The following GTPBP10 variants were observed in gnomAD, a reference collection of about 807,000 sequenced individuals.
The protein encoded by GTPBP10 is GTP-binding protein 10.
GTPBP10 carries 38 observed loss-of-function variants against 44.8 expected under a neutral mutation model. The ratio of observed to expected loss-of-function variants is 0.85; its 90% confidence interval spans 0.65 to 1.11. GTPBP10 has a LOEUF of 1.11. Among genes scored for constraint, GTPBP10 ranks in the 50% most tolerant of loss-of-function variants. The pLI, the probability that GTPBP10 is intolerant of heterozygous loss-of-function variation, is 0.00. For synonymous variants in GTPBP10, 152 were observed against 150.6 expected (o/e 1.01, Z -0.07); for missense variants, 462 against 453.7 (o/e 1.02, Z -0.17).
At chr7:90,359,038 A>G (rs1043387522) in intron 4 of GTPBP10, among the ~76,000 whole-genome samples, 1 of 152,226 alleles carries the variant, frequency 6.6e-6, no homozygotes, top group African/African-American at 2.4e-5. Flanking sequence ...TAAAACCACA[A>G]TGATTTACCA....
chr7:90,366,734 C>A (rs1231860067), intron 4 of GTPBP10, among the ~76,000 whole-genome samples: 3 of 149,652 alleles, frequency 2.0e-5, no homozygotes, highest in Admixed American at 2.0e-4. Flanking sequence ...AAAAAAAAAC[C>A]AGCTCCTGGA....
chr7:90,380,118 G>A (rs183335049), intron 8 of GTPBP10, among the ~76,000 whole-genome samples: 195 of 125,514 alleles, frequency 1.6e-3, no homozygotes, highest in African/African-American at 5.7e-3. Flanking sequence ...TCACTCTGTC[G>A]CCTGGGCTGG....
intron 1 of GTPBP10, among the ~76,000 whole-genome samples, chr7:90,348,908 T>G (rs1198325899): frequency 2.0e-5 from 3 of 152,186 alleles, no homozygotes; most frequent in Admixed American, 6.5e-5. Flanking sequence ...GTTTATTCTG[T>G]GTTTTCTTCC....
rs754961364 is a variant in GTPBP10 at position 90,385,700 on chromosome 7, C to T, written c.*546C>T. On this transcript the variant is annotated 3_prime_UTR_variant, in exon 10 of 10. Coordinates refer to ENST00000222511, the MANE Select transcript of GTPBP10 (RefSeq NM_033107.4). Reference sequence around the variant, plus strand: ...TATTATTACCTTCTGATATATGTGTCATTATTGAAGAACCATACCTTTTAA... The same window carrying T: ...TATTATTACCTTCTGATATATGTGTTATTATTGAAGAACCATACCTTTTAA... 4.6e-5 allele frequency: 7 copies of T among 151,568 alleles called. No individual in the cohort carries two copies. The highest frequency in any genetic ancestry group is 1.0e-4 in the Non-Finnish European group (7 of 67,950). The allele number at this position is 151,568 out of a possible 1,614,324, so 9.4% of individuals were successfully genotyped here.
chr7:90,364,297 C>T (rs555864483), intron 4 of GTPBP10, among the ~76,000 whole-genome samples: 52 of 152,172 alleles, frequency 3.4e-4, no homozygotes, highest in African/African-American at 1.2e-3. Context: ...ATGATGGTGA[C>T]GTACAGATGG....
In GTPBP10 at chr7:90,390,068, G is replaced by A. The variant is rs999194530; in HGVS notation, c.*4914G>A. On this transcript the variant is annotated 3_prime_UTR_variant, in exon 10 of 10. Transcript: ENST00000222511. The stretch of plus-strand genomic sequence containing the variant: ...AGTCTCTGAAAGTGCTAGGATTATA[G>A]GCATGAGCCATTTATGCCCAGCCAG... The A allele has an allele frequency of 1.3e-5, 2 of 152,194 alleles. No homozygotes were observed. Among genetic ancestry groups the A allele is most frequent in the African/African-American group, 4.8e-5 (2 of 41,440 alleles). 9.4% of individuals were successfully genotyped at this position (152,194 alleles called of 1,614,324 possible).
rs749904203 is a variant in GTPBP10, at chr7:90,354,443, C to CT, written c.228-6dup. On this transcript the variant is annotated splice_polypyrimidine_tract_variant and intron_variant, in intron 2 of 9. Coordinates refer to ENST00000222511, the MANE Select transcript of GTPBP10 (RefSeq NM_033107.4). Reference sequence around the variant, plus strand: ...ACACACACATACATACATATATATACTTTTTTTTTGGTAGAATTAGTGCAC... The same window carrying CT: ...ACACACACATACATACATATATATACTTTTTTTTTTGGTAGAATTAGTGCAC... 5.7e-4 allele frequency: 779 copies of CT among 1,363,482 alleles called. 1 individual carries two copies. Among genetic ancestry groups the CT allele is most frequent in the Non-Finnish European group, 6.1e-4 (600 of 983,532 alleles). The allele number at this position is 1,363,482 out of a possible 1,614,324, so 84.5% of individuals were successfully genotyped here.
At chr7:90,347,534 T>A (rs2115574466) in intron 1 of GTPBP10, 1 of 577,960 alleles carries the variant, frequency 1.7e-6, no homozygotes, top group African/African-American at 2.0e-5. Flanking sequence ...TTATAATAGC[T>A]ATCCTAAATG....
intron 4 of GTPBP10, among the ~76,000 whole-genome samples, chr7:90,359,537 A>G (rs918947031): frequency 2.6e-5 from 4 of 152,134 alleles, no homozygotes; most frequent in Admixed American, 6.5e-5. Flanking sequence ...AATTCAGTCT[A>G]TCATTGATGG....
At chr7:90,357,171 TG>T (rs1459269643) in intron 4 of GTPBP10, among the ~76,000 whole-genome samples, 3 of 152,212 alleles carry the variant, frequency 2.0e-5, no homozygotes, top group African/African-American at 7.2e-5. Flanking sequence ...GATTTTAGCC[TG>T]TAAAATTTTC....
chr7:90,368,600 G>A (rs1407634959), intron 4 of GTPBP10, among the ~76,000 whole-genome samples: 1 of 152,010 alleles, frequency 6.6e-6, no homozygotes, highest in Non-Finnish European at 1.5e-5. Context: ...TGAAGCTTGT[G>A]CGTGCGTCAC....
intron 4 of GTPBP10, among the ~76,000 whole-genome samples, chr7:90,369,713 G>A (rs529027656): frequency 6.6e-6 from 1 of 152,226 alleles, no homozygotes; most frequent in African/African-American, 2.4e-5. Context: ...ACTCCTCCAG[G>A]TACAGACTGT....
chr7:90,355,252 A>T (rs1795874168), intron 4 of GTPBP10, 22 bp downstream of exon 4: 2 of 1,414,608 alleles, frequency 1.4e-6, no homozygotes, highest in South Asian at 3.0e-5. Context: ...TCATATTTTT[A>T]TTATTATACT....
chr7:90,373,876 T>A (rs1226453899), intron 5 of GTPBP10, among the ~76,000 whole-genome samples: 1 of 152,198 alleles, frequency 6.6e-6, no homozygotes, highest in Non-Finnish European at 1.5e-5. Flanking sequence ...GGTCTAGCTA[T>A]GTCACCCAGG....
intron 9 of GTPBP10, 119 bp from the exon 10 acceptor site, chr7:90,384,773 A>T: frequency 1.1e-6 from 1 of 912,548 alleles, no homozygotes; most frequent in Non-Finnish European, 1.6e-6. Flanking sequence ...AGAAAAGGTG[A>T]AAAAAGGCAT....
chr7:90,379,225 T>C (rs1584646650), intron 8 of GTPBP10, among the ~76,000 whole-genome samples: 1 of 152,224 alleles, frequency 6.6e-6, no homozygotes, highest in Non-Finnish European at 1.5e-5. Context: ...TCCTCTTGTC[T>C]TTATCTACGC....
intron 4 of GTPBP10, among the ~76,000 whole-genome samples, chr7:90,364,274 C>T (rs911428093): frequency 2.0e-5 from 3 of 152,098 alleles, no homozygotes; most frequent in African/African-American, 7.2e-5. Flanking sequence ...GTTTTATCTA[C>T]CTTTGGTCTT....
intron 4 of GTPBP10, among the ~76,000 whole-genome samples, chr7:90,358,905 AAAC>A: frequency 6.6e-6 from 1 of 152,322 alleles, no homozygotes; most frequent in African/African-American, 2.4e-5. Context: ...AGCAAGGAAA[AAAC>A]AATTCCGTTA....
chr7:90,385,063 A>G lies in GTPBP10; in HGVS notation c.1073A>G (p.Gln358Arg), dbSNP rs551715366. 2 of 1,613,854 alleles carry G rather than the reference A, an allele frequency of 1.2e-6. No homozygotes were observed. The highest frequency in any genetic ancestry group is 1.1e-5 in the South Asian group (1 of 91,066). ...GAAAATGATGCACTTCATAAGAAACAGTTGCTTAATTTGTGGATTTCTGAT... is the reference window on the plus strand; with the variant it reads ...GAAAATGATGCACTTCATAAGAAACGGTTGCTTAATTTGTGGATTTCTGAT... ...NQENDALHKK[Q>R]LLNLWISDTM... The change falls in exon 10 of 10, where the codon CAG (glutamine) becomes CGG (arginine). Residue 358 changes from glutamine (Q) to arginine (R), a missense_variant. Coordinates refer to ENST00000222511, the MANE Select transcript of GTPBP10 (RefSeq NM_033107.4).
Sources: gnomAD v4.1 joint callset for allele counts (sites outside exome capture counted in the v4.1 genomes callset) on GRCh38, gnomAD v4.1.1 for gene constraint, MANE v1.5 for transcripts, NCBI Gene and HGNC (gene_info 2026-07-23, HGNC 2026-07-21) for gene names.